FHIP1A: variants seen among roughly 807,000 people sequenced by gnomAD.
FHIP1A encodes the protein FHF complex subunit HOOK interacting protein 1A, also known as FHF complex subunit HOOK-interacting protein 1A.
A neutral mutation model predicts 88.6 loss-of-function variants in FHIP1A; 61 were observed. The ratio of observed to expected loss-of-function variants is 0.69; its 90% CI spans 0.56 to 0.85. FHIP1A has a LOEUF of 0.85. FHIP1A is among the 40% of genes least tolerant of loss of function. FHIP1A has a pLI of 0.00. For synonymous variants in FHIP1A, 478 were observed against 496.0 expected (o/e 0.96, Z 0.48); for missense variants, 1,154 against 1,273.5 (o/e 0.91, Z 1.43).
At chr4:151,562,536 T>A (rs1435342535) in intron 3 of FHIP1A, among the ~76,000 whole-genome samples, 4 of 152,214 alleles carry the variant, frequency 2.6e-5, no homozygotes, top group Non-Finnish European at 4.4e-5. Context: ...TCAATAAAAA[T>A]GTTCCTCTGG....
intron 7 of FHIP1A, among the ~76,000 whole-genome samples, chr4:151,623,485 T>C (rs1201449713): frequency 1.3e-5 from 2 of 151,630 alleles, no homozygotes; most frequent in African/African-American, 2.4e-5. Context: ...CAAATTTTGT[T>C]CTTTTGCCAC....
At chr4:151,522,326 T>A (rs1731476060) in intron 3 of FHIP1A, among the ~76,000 whole-genome samples, 1 of 152,200 alleles carries the variant, frequency 6.6e-6, no homozygotes, top group Admixed American at 6.5e-5. Flanking sequence ...GAAATAGAAT[T>A]GTTTGTTTTA....
chr4:151,409,746 G>T (rs993840491), intron 1 of FHIP1A, among the ~76,000 whole-genome samples: 2 of 152,038 alleles, frequency 1.3e-5, no homozygotes, highest in African/African-American at 4.8e-5. Context: ...GAGAGAGAGA[G>T]CCAGCTTGTT....
intron 7 of FHIP1A, among the ~76,000 whole-genome samples, chr4:151,610,860 T>C (rs914159627): frequency 3.9e-5 from 6 of 152,174 alleles, no homozygotes; most frequent in African/African-American, 1.4e-4. Flanking sequence ...GGTATGATCA[T>C]TATAGATTTG....
chr4:151,483,714 A>G (rs1729980154), intron 3 of FHIP1A, among the ~76,000 whole-genome samples: 1 of 152,140 alleles, frequency 6.6e-6, no homozygotes, highest in Non-Finnish European at 1.5e-5. Flanking sequence ...ATAGTTAACT[A>G]TCTAGCTGTA....
chr4:151,484,162 C>T (rs1729996916), intron 3 of FHIP1A, among the ~76,000 whole-genome samples: 1 of 152,064 alleles, frequency 6.6e-6, no homozygotes, highest in Non-Finnish European at 1.5e-5. Context: ...ATTTCAAGGT[C>T]CTTAGCAGAA....
chr4:151,603,517 T>G (rs1734955905), intron 7 of FHIP1A, among the ~76,000 whole-genome samples: 1 of 152,102 alleles, frequency 6.6e-6, no homozygotes, highest in Non-Finnish European at 1.5e-5. Flanking sequence ...CCTGCACTGA[T>G]TGACCCTCAT....
chr4:151,669,218 C>A lies in FHIP1A; in HGVS notation c.*6464C>A, dbSNP rs1737774275. On this transcript the variant is annotated 3_prime_UTR_variant, in exon 14 of 14. Transcript: ENST00000435205. ...TAGCAGCAGTGATGATATCAACTTA[C>A]AAGGTTTGGCTTTCAGGATTTCAGA... 6.6e-6 allele frequency among the ~76,000 whole-genome samples: 1 copy of A among 152,144 alleles called. No individual in the cohort carries two copies. Among genetic ancestry groups the A allele is most frequent in the Admixed American group, 6.6e-5 (1 of 15,266 alleles).
chr4:151,581,112 C>A (rs777089451), intron 5 of FHIP1A, among the ~76,000 whole-genome samples: 5 of 152,188 alleles, frequency 3.3e-5, no homozygotes, highest in Non-Finnish European at 5.9e-5. Context: ...GCCCGCCCAG[C>A]CTCCCAAAAT....
At chr4:151,410,839 C>G (rs1359243495) in intron 1 of FHIP1A, among the ~76,000 whole-genome samples, 2 of 152,228 alleles carry the variant, frequency 1.3e-5, no homozygotes, top group Non-Finnish European at 2.9e-5. Context: ...TCCAGTTAAT[C>G]CCTTTCCGCA....
chr4:151,496,536 TA>T (rs995396310), intron 3 of FHIP1A, among the ~76,000 whole-genome samples: 1 of 151,910 alleles, frequency 6.6e-6, no homozygotes, highest in African/African-American at 2.4e-5. Context: ...TAGTCAGGAA[TA>T]GATTACATTT....
chr4:151,516,968 C>T (rs1438645000), intron 3 of FHIP1A, among the ~76,000 whole-genome samples: 6 of 152,078 alleles, frequency 3.9e-5, no homozygotes, highest in Admixed American at 1.3e-4. Context: ...ACCCAAAGGA[C>T]TATAAATCAT....
intron 7 of FHIP1A, among the ~76,000 whole-genome samples, chr4:151,626,616 C>T (rs1735961203): frequency 2.0e-5 from 3 of 152,176 alleles, no homozygotes; most frequent in Admixed American, 2.0e-4. Flanking sequence ...TATCCCTAAA[C>T]TTTATTATTG....
intron 3 of FHIP1A, among the ~76,000 whole-genome samples, chr4:151,486,032 CGTTA>C (rs1206192131): frequency 2.0e-5 from 3 of 152,176 alleles, no homozygotes; most frequent in Admixed American, 6.5e-5. Context: ...GATCATCAGG[CGTTA>C]GTTAGATTCT....
Position 151,664,272 on chromosome 4 carries a change from A to T in FHIP1A, c.*1518A>T, listed in dbSNP as rs766433538. 4.7e-4 allele frequency among the ~76,000 whole-genome samples: 71 copies of T among 152,198 alleles called. No homozygotes were observed. Among genetic ancestry groups the T allele is most frequent in the Middle Eastern group, 3.2e-3 (1 of 316 alleles). The stretch of plus-strand genomic sequence containing the variant: ...TGGTTTGGTCTTAATCAGGCCTTTC[A>T]TGCACAGGCAGGGCAGTGGCGGAAG... On this transcript the variant is annotated 3_prime_UTR_variant, in exon 14 of 14. Coordinates refer to ENST00000435205, the MANE Select transcript of FHIP1A (RefSeq NM_001109977.3).
chr4:151,421,882 A>G (rs977697123), intron 1 of FHIP1A, among the ~76,000 whole-genome samples: 2 of 152,092 alleles, frequency 1.3e-5, no homozygotes, highest in Admixed American at 1.3e-4. Context: ...GCACTTTCAC[A>G]TATATGATCT....
intron 7 of FHIP1A, among the ~76,000 whole-genome samples, chr4:151,625,926 G>A (rs1351267314): frequency 6.6e-6 from 1 of 152,208 alleles, no homozygotes; most frequent in Non-Finnish European, 1.5e-5. Flanking sequence ...ATAGCCTGGA[G>A]CATAGGGAAC....
At chr4:151,419,531 C>G (rs936327124) in intron 1 of FHIP1A, among the ~76,000 whole-genome samples, 2 of 146,434 alleles carry the variant, frequency 1.4e-5, no homozygotes, top group African/African-American at 5.1e-5. Flanking sequence ...CTGTGCAAAT[C>G]CTTTGCTTTG....
intron 3 of FHIP1A, among the ~76,000 whole-genome samples, chr4:151,492,721 T>C (rs1467328824): frequency 6.6e-6 from 1 of 152,170 alleles, no homozygotes; most frequent in African/African-American, 2.4e-5. Flanking sequence ...TGAAATAATC[T>C]GCTGCTGAAT....
Sources: allele counts gnomAD v4.1 joint callset (sites outside exome capture counted in the v4.1 genomes callset), GRCh38; gene constraint gnomAD v4.1.1; transcripts MANE v1.5; gene names NCBI Gene and HGNC (gene_info 2026-07-23, HGNC 2026-07-21).